The following ASAP1 variants were observed in gnomAD, a reference collection of about 807,000 sequenced individuals.
ASAP1 encodes the protein arf-GAP with SH3 domain, ANK repeat and PH domain-containing protein 1.
Under a neutral mutation model 145.2 loss-of-function variants are expected in ASAP1, and 43 were observed. That is an observed-to-expected ratio of 0.30 (90% CI 0.23 to 0.38). ASAP1 has a LOEUF of 0.38. Among genes scored for constraint, ASAP1 ranks in the 10% least tolerant of loss-of-function variants. ASAP1 has a pLI of 1.00. For missense variants in ASAP1, 1,018 were observed against 1,355.3 expected (o/e 0.75, Z 3.91); for synonymous variants, 546 against 515.5 (o/e 1.06, Z -0.80).
intron 3 of ASAP1, among the ~76,000 whole-genome samples, chr8:130,308,845 C>T (rs965206001): frequency 6.6e-6 from 1 of 152,030 alleles, no homozygotes; most frequent in Admixed American, 6.6e-5. Context: ...AGTTCAAGAC[C>T]AGCCTGGCCA....
intron 3 of ASAP1, among the ~76,000 whole-genome samples, chr8:130,298,654 G>A (rs1371791813): frequency 2.6e-5 from 4 of 152,122 alleles, no homozygotes; most frequent in African/African-American, 4.8e-5. Flanking sequence ...GCTCATTACC[G>A]TTCTTGTTCC....
At chr8:130,188,305 A>G (rs753725426) in intron 5 of ASAP1, 122 bp from the exon 6 acceptor site, 86 of 739,818 alleles carry the variant, frequency 1.2e-4, no homozygotes, top group Non-Finnish European at 1.8e-4. Flanking sequence ...CTTTCCATGC[A>G]TTATTTCATT....
intron 3 of ASAP1, among the ~76,000 whole-genome samples, chr8:130,351,790 G>A (rs1245519834): frequency 3.3e-5 from 5 of 152,158 alleles, no homozygotes; most frequent in Non-Finnish European, 7.4e-5. Context: ...ATCCCACCAA[G>A]CCCCACCTCC....
At chr8:130,066,736 T>C (rs1359844639) in intron 27 of ASAP1, among the ~76,000 whole-genome samples, 1 of 152,212 alleles carries the variant, frequency 6.6e-6, no homozygotes, top group Non-Finnish European at 1.5e-5. Context: ...TGGGCAGTCA[T>C]AGCACATTGA....
intron 3 of ASAP1, among the ~76,000 whole-genome samples, chr8:130,264,588 T>C (rs1009906868): frequency 1.3e-5 from 2 of 152,240 alleles, no homozygotes; most frequent in African/African-American, 2.4e-5. Context: ...TAAGCTTTTT[T>C]TGGAACTATA....
At chr8:130,256,755 A>ATATATC (rs1819564394) in intron 3 of ASAP1, among the ~76,000 whole-genome samples, 1 of 89,780 alleles carries the variant, frequency 1.1e-5, no homozygotes, top group Non-Finnish European at 2.5e-5. Context: ...ATATATATAT[A>ATATATC]TATATATATA....
chr8:130,419,955 CTT>C (rs565548652), intron 1 of ASAP1, among the ~76,000 whole-genome samples: 7 of 130,766 alleles, frequency 5.4e-5, no homozygotes, highest in Non-Finnish European at 6.9e-5. Flanking sequence ...CCTTCTTCTT[CTT>C]TTTTTTTTTT....
chr8:130,124,351 T>C (rs897344380), intron 17 of ASAP1, among the ~76,000 whole-genome samples: 31 of 152,150 alleles, frequency 2.0e-4, no homozygotes, highest in Admixed American at 2.0e-3. Context: ...CATAGTCTAG[T>C]GGGGCCATTG....
intron 5 of ASAP1, among the ~76,000 whole-genome samples, chr8:130,211,611 A>G (rs1220535300): frequency 6.6e-6 from 1 of 152,258 alleles, no homozygotes; most frequent in Non-Finnish European, 1.5e-5. Flanking sequence ...GCTGAAAGCT[A>G]GTATGAGACC....
intron 3 of ASAP1, among the ~76,000 whole-genome samples, chr8:130,299,468 C>T (rs1822488955): frequency 6.6e-6 from 1 of 152,214 alleles, no homozygotes; most frequent in African/African-American, 2.4e-5. Flanking sequence ...GTATGCCCAA[C>T]ACTATATGGC....
At chr8:130,210,306 T>C (rs1181226109) in intron 5 of ASAP1, among the ~76,000 whole-genome samples, 1 of 152,198 alleles carries the variant, frequency 6.6e-6, no homozygotes, top group Non-Finnish European at 1.5e-5. Context: ...GAGAAAATAG[T>C]TATTTTTCCA....
At chr8:130,110,771 T>C (rs956034500) in intron 24 of ASAP1, among the ~76,000 whole-genome samples, 14 of 152,336 alleles carry the variant, frequency 9.2e-5, no homozygotes, top group African/African-American at 3.4e-4. Flanking sequence ...TATAACACTA[T>C]TTCAATAGAG....
rs1486154486 is a variant in ASAP1 at position 130,058,064 on chromosome 8, C to T, written c.3205G>A (p.Val1069Met). ...TCATAAATGGTCTTCACTCGCCTCACTTTATTTTTCCCCTTAAAGAAAGAA... is the reference window on the plus strand; with the variant it reads ...TCATAAATGGTCTTCACTCGCCTCATTTTATTTTTCCCCTTAAAGAAAGAA... ...PRKINTGKNK[V>M]RRVKTIYDCQ... The change falls in exon 29 of 30, where the codon GTG becomes ATG. Residue 1069 changes from valine (V) to methionine (M), a missense_variant. Coordinates refer to ENST00000518721, the MANE Select transcript of ASAP1 (RefSeq NM_018482.4). 6.2e-7 allele frequency: 1 copy of T among 1,613,330 alleles called. No homozygotes were observed. Among genetic ancestry groups the T allele is most frequent in the South Asian group, 1.1e-5 (1 of 91,060 alleles).
intron 27 of ASAP1, among the ~76,000 whole-genome samples, chr8:130,073,321 C>T (rs1290624987): frequency 4.0e-5 from 6 of 148,788 alleles, no homozygotes; most frequent in Non-Finnish European, 8.9e-5. Context: ...ACCTGGGAGG[C>T]GGAGGTTGCG....
intron 24 of ASAP1, among the ~76,000 whole-genome samples, chr8:130,099,231 T>A (rs1012436838): frequency 6.6e-6 from 1 of 151,044 alleles, no homozygotes; most frequent in African/African-American, 2.4e-5. Flanking sequence ...CAGGCTGGAG[T>A]GCAGTGGCGA....
intron 13 of ASAP1, among the ~76,000 whole-genome samples, chr8:130,141,634 A>C (rs2097611747): frequency 6.6e-6 from 1 of 151,666 alleles, no homozygotes; most frequent in African/African-American, 2.4e-5. Flanking sequence ...GGCAGCCTTG[A>C]CCTCCCAGGC....
At chr8:130,227,906 T>C (rs1817678593) in intron 4 of ASAP1, among the ~76,000 whole-genome samples, 1 of 152,180 alleles carries the variant, frequency 6.6e-6, no homozygotes, top group Non-Finnish European at 1.5e-5. Context: ...AGACAAAGCT[T>C]CTTGCCCTTT....
At chr8:130,439,468 T>C (rs1830421040) in intron 1 of ASAP1, among the ~76,000 whole-genome samples, 2 of 152,184 alleles carry the variant, frequency 1.3e-5, no homozygotes, top group African/African-American at 4.8e-5. Context: ...TATATGTCTA[T>C]CACCCCCATC....
At chr8:130,379,025 G>A (rs1286108760) in intron 2 of ASAP1, among the ~76,000 whole-genome samples, 1 of 152,130 alleles carries the variant, frequency 6.6e-6, no homozygotes, top group African/African-American at 2.4e-5. Flanking sequence ...TCTTCTGTAC[G>A]CTAATGAGAC....
Sources: allele counts gnomAD v4.1 joint callset (sites outside exome capture counted in the v4.1 genomes callset), GRCh38; gene constraint gnomAD v4.1.1; transcripts MANE v1.5; gene names NCBI Gene and HGNC (gene_info 2026-07-23, HGNC 2026-07-21).